Variants in INO80 observed in about 807,000 individuals in gnomAD.
INO80 encodes INO80 complex ATPase subunit.
A neutral mutation model predicts 203.4 loss-of-function variants in INO80; 20 were observed. That is an observed-to-expected ratio of 0.10 (90% CI 0.07 to 0.14). The LOEUF (loss-of-function observed/expected upper bound fraction) is 0.14. Among genes scored for constraint, INO80 ranks in the 10% least tolerant of loss-of-function variants. The pLI is 1.00. For missense variants in INO80, 1,419 were observed against 1,914.4 expected, an observed-to-expected ratio of 0.74 and a Z score of 4.83; for synonymous variants, 726 against 685.2, an observed-to-expected ratio of 1.06 and a Z score of -0.93.
intron 7 of INO80, among the ~76,000 whole-genome samples, chr15:41,084,299 C>G (rs1320521666): frequency 6.6e-6 from 1 of 151,948 alleles, no homozygotes; most frequent in Non-Finnish European, 1.5e-5. Context: ...GTGGCGCACA[C>G]CTGTAATCCC....
intron 1 of INO80, among the ~76,000 whole-genome samples, chr15:41,114,198 C>A (rs1412615015): frequency 6.6e-6 from 1 of 150,818 alleles, no homozygotes; most frequent in East Asian, 2.0e-4. Context: ...ACCCGGGAGG[C>A]GGAAGCTGCA....
intron 19 of INO80, among the ~76,000 whole-genome samples, chr15:41,052,468 T>C (rs1316948005): frequency 6.7e-6 from 1 of 149,050 alleles, no homozygotes; most frequent in Non-Finnish European, 1.5e-5. Flanking sequence ...AGTCCAGGAG[T>C]TCAAGACTAG....
intron 1 of INO80, among the ~76,000 whole-genome samples, chr15:41,099,558 A>T (rs1432645732): frequency 2.0e-5 from 3 of 152,056 alleles, no homozygotes; most frequent in Non-Finnish European, 4.4e-5. Context: ...AGGCAGGAGG[A>T]GAGCTTGAGC....
chr15:41,013,104 C>CAACAACAACAACAACA (rs369088968), intron 27 of INO80: 23 of 150,640 alleles, frequency 1.5e-4, no homozygotes, highest in Non-Finnish European at 2.4e-4. Context: ...CAACAACAAC[C>CAACAACAACAACAACA]ACCACAACAA....
rs368048155 is a variant in INO80 at position 41,020,413 on chromosome 15, C to T, written c.3274+487G>A. On this transcript the variant is annotated intron_variant, in intron 26 of 35. Transcript: ENST00000648947. ...GAAAACCTAGTTTCCTTTCAACCCCCGACTTTGACCCTAGGGGATCTGGGA... is the reference window on the plus strand; with the variant it reads ...GAAAACCTAGTTTCCTTTCAACCCCTGACTTTGACCCTAGGGGATCTGGGA... Among the ~76,000 whole-genome samples the T allele has an allele frequency of 3.9e-5, 6 of 152,254 alleles. No individual in the cohort carries two copies. In the East Asian group the frequency reaches 7.7e-4, roughly 20 times the overall value.
At chr15:40,984,568 T>C (rs1213371053) in intron 32 of INO80, among the ~76,000 whole-genome samples, 2 of 151,914 alleles carry the variant, frequency 1.3e-5, no homozygotes, top group African/African-American at 4.8e-5. Context: ...ATGCCTGTAA[T>C]TCCAACTACT....
rs1203941986 is a variant in INO80, at chr15:41,023,784, C to CA, written c.3049-2660dup. Among the ~76,000 whole-genome samples, 9 of 123,778 alleles carry CA rather than the reference C, an allele frequency of 7.3e-5. 1 individual carries two copies. The highest frequency in any genetic ancestry group is 4.5e-4 in the East Asian group (2 of 4,494). 81.2% of individuals were successfully genotyped at this position (123,778 alleles called of 152,430 possible). ...ACTCTGTCTCAAAAAAAAAAAAAAA[C>CA]AAAACAAAACGAAAAAAAGAAACAA... On this transcript the variant is annotated intron_variant, in intron 25 of 35. Coordinates refer to ENST00000648947, the MANE Select transcript of INO80 (RefSeq NM_017553.3).
chr15:41,052,364 G>A (rs2044889921), intron 19 of INO80, among the ~76,000 whole-genome samples: 4 of 152,010 alleles, frequency 2.6e-5, no homozygotes, highest in South Asian at 4.1e-4. Flanking sequence ...CTTTGAAGAG[G>A]ATATATATAC....
intron 14 of INO80, among the ~76,000 whole-genome samples, chr15:41,060,158 A>G (rs2045076052): frequency 6.6e-6 from 1 of 152,258 alleles, no homozygotes; most frequent in Non-Finnish European, 1.5e-5. Flanking sequence ...GTGGGCAATT[A>G]CAGAGGCCCA....
chr15:40,988,752 C>T (rs1334432195), intron 29 of INO80, among the ~76,000 whole-genome samples: 2 of 152,174 alleles, frequency 1.3e-5, no homozygotes, highest in African/African-American at 4.8e-5. Context: ...TGGTGGCTCA[C>T]GCCTGTAATC....
intron 15 of INO80, among the ~76,000 whole-genome samples, chr15:41,059,390 C>T (rs1039137669): frequency 5.3e-5 from 8 of 150,610 alleles, no homozygotes; most frequent in East Asian, 2.0e-4. Flanking sequence ...TTTGGGAGGC[C>T]GAGGCAGGAG....
At chr15:41,095,952 C>T (rs1204566528) in intron 2 of INO80, 24 bp from the exon 3 acceptor site, 1 of 1,599,714 alleles carries the variant, frequency 6.3e-7, no homozygotes, top group East Asian at 2.2e-5. Context: ...AATGAGTCCA[C>T]AATTACAGCT....
chr15:41,079,597 ATTG>A, intron 9 of INO80, 101 bp downstream of exon 9: 18 of 1,089,060 alleles, frequency 1.7e-5, no homozygotes, highest in South Asian at 4.2e-5. Context: ...AAAACAAAAA[ATTG>A]ACAGTGTCAT....
chr15:41,114,275 A>AC (rs1555408814), intron 1 of INO80, among the ~76,000 whole-genome samples: 4 of 126,954 alleles, frequency 3.2e-5, no homozygotes, highest in Admixed American at 2.1e-4. Context: ...TCAAAAAACA[A>AC]AAAAAAAAAA....
intron 17 of INO80, 123 bp from the exon 18 acceptor site, chr15:41,055,487 T>C: frequency 2.4e-6 from 1 of 421,464 alleles, no homozygotes; most frequent in Non-Finnish European, 4.2e-6. Context: ...TGTGTATGTG[T>C]GAATGAAAGA....
chr15:41,071,681 G>A (rs1018141603), intron 12 of INO80, among the ~76,000 whole-genome samples, 168 bp downstream of exon 12: 1 of 151,252 alleles, frequency 6.6e-6, no homozygotes, highest in Non-Finnish European at 1.5e-5. Flanking sequence ...GGCTGGTCTC[G>A]AACTCCCAAC....
Position 41,081,002 on chromosome 15 carries a change from A to G in INO80, c.927+18T>C. On this transcript the variant is annotated intron_variant, in intron 8 of 35. Coordinates refer to ENST00000648947, the MANE Select transcript of INO80 (RefSeq NM_017553.3). Reference sequence around the variant, plus strand: ...TCCAGCAAAACATGAAATGGAAAATACAAAACTACAATTTTACCTTTCGGC... The same window carrying G: ...TCCAGCAAAACATGAAATGGAAAATGCAAAACTACAATTTTACCTTTCGGC... The G allele has an allele frequency of 6.5e-7, 1 of 1,549,268 alleles. No homozygotes were observed. Among genetic ancestry groups the G allele is most frequent in the Non-Finnish European group, 8.9e-7 (1 of 1,122,322 alleles).
Position 41,019,194 on chromosome 15 carries a change from A to G in INO80, c.3274+1706T>C, listed in dbSNP as rs141354149. Among the ~76,000 whole-genome samples, 417 of 152,354 alleles carry G rather than the reference A, an allele frequency of 2.7e-3. 4 individuals are homozygous for G. Among genetic ancestry groups the G allele is most frequent in the Non-Finnish European group, 3.3e-3 (223 of 68,030 alleles). On this transcript the variant is annotated intron_variant, in intron 26 of 35. Transcript: ENST00000648947. ...GGAGAAGAAAAGGTGTGAAACCCAG[A>G]AGATTTTGGTCAGTCTCTCAAGGAA... is the stretch of plus-strand genomic sequence containing the variant.
At chr15:40,988,001 G>A in intron 29 of INO80, 27 bp from the exon 30 acceptor site, 1 of 1,591,598 alleles carries the variant, frequency 6.3e-7, no homozygotes, top group South Asian at 1.1e-5. Flanking sequence ...AAAAACTGAA[G>A]CACTCTTAGG....
Sources: gnomAD v4.1 joint callset for allele counts (sites outside exome capture counted in the v4.1 genomes callset) on GRCh38, gnomAD v4.1.1 for gene constraint, MANE v1.5 for transcripts, NCBI Gene and HGNC (gene_info 2026-07-23, HGNC 2026-07-21) for gene names.